SLC25A30: variants seen among roughly 807,000 people sequenced by gnomAD.
The protein encoded by SLC25A30 is kidney mitochondrial carrier protein 1.
Under a neutral mutation model 42.7 loss-of-function variants are expected in SLC25A30, and 29 were observed. That is an observed-to-expected ratio of 0.68 (90% confidence interval 0.51 to 0.93). The LOEUF (loss-of-function observed/expected upper bound fraction) is 0.93. Among genes scored for constraint, SLC25A30 ranks in the 40% least tolerant of loss-of-function variants. The probability of loss-of-function intolerance (pLI) is 0.00; values close to 1 mark genes in which losing one functional copy is unlikely to be tolerated. For synonymous variants in SLC25A30, 124 were observed against 131.0 expected, an observed-to-expected ratio of 0.95 and a Z score of 0.37; for missense variants, 300 against 359.7, an observed-to-expected ratio of 0.83 and a Z score of 1.34.
chr13:45,403,049 TA>T (rs977131917), intron 5 of SLC25A30, among the ~76,000 whole-genome samples: 1 of 152,222 alleles, frequency 6.6e-6, no homozygotes, highest in African/African-American at 2.4e-5. Flanking sequence ...CACTAACTTC[TA>T]AAAGAACTGT....
the SLC25A30 span, among the ~76,000 whole-genome samples, chr13:45,423,696 AT>A: frequency 3.0e-3 from 5 of 1,658 alleles, no homozygotes; most frequent in Admixed American, 0.01. Context: ...ATATATATAA[AT>A]ATATAAATAT....
intron 5 of SLC25A30, 36 bp downstream of exon 5, chr13:45,404,291 G>A (rs1346522279): frequency 3.6e-6 from 5 of 1,384,008 alleles, no homozygotes; most frequent in South Asian, 3.5e-5. Flanking sequence ...AAGAAAATGT[G>A]GAATGTGCCT....
At chr13:45,402,185 A>C in intron 6 of SLC25A30, 90 bp downstream of exon 6, 1 of 972,060 alleles carries the variant, frequency 1.0e-6, no homozygotes, top group East Asian at 2.4e-5. Context: ...CCATTACGAC[A>C]CTTGGATTAA....
chr13:45,408,783 T>G (rs1196916430), intron 3 of SLC25A30, 144 bp downstream of exon 3: 9 of 626,856 alleles, frequency 1.4e-5, no homozygotes, highest in Middle Eastern at 4.2e-4. Flanking sequence ...GAGTTGAAAT[T>G]AAAAGTGAAA....
chr13:45,401,542 T>A (rs981367228), intron 6 of SLC25A30, among the ~76,000 whole-genome samples: 6 of 151,964 alleles, frequency 3.9e-5, no homozygotes, highest in Admixed American at 3.9e-4. Flanking sequence ...GTCATTAGAA[T>A]ACTAGGAAAT....
chr13:45,398,843 A>G, intron 8 of SLC25A30, 97 bp downstream of exon 8: 1 of 1,358,948 alleles, frequency 7.4e-7, no homozygotes, highest in Non-Finnish European at 1.0e-6. Context: ...TTAAAGCATC[A>G]TTCATCTTAG....
At chr13:45,423,240 T>C (rs1440536824), upstream of SLC25A30, among the ~76,000 whole-genome samples, 1 of 151,884 alleles carries the variant, frequency 6.6e-6, no homozygotes, top group Non-Finnish European at 1.5e-5. Context: ...CCCATTGATA[T>C]TACCACAGTT....
chr13:45,393,440 T>C lies in SLC25A30; in HGVS notation c.*2534A>G. ...GCTTATGAAAACTTCATACTCTTTA[T>C]ATAATGCATACTATTTCTAGCACAT... On this transcript the variant is annotated 3_prime_UTR_variant, in exon 10 of 10. Coordinates refer to ENST00000519676, the MANE Select transcript of SLC25A30 (RefSeq NM_001010875.4). 1.0e-6 allele frequency: 1 copy of C among 983,642 alleles called. No individual in the cohort carries two copies. The highest frequency in any genetic ancestry group is 1.2e-6 in the Non-Finnish European group (1 of 828,280). 60.9% of individuals were successfully genotyped at this position (983,642 alleles called of 1,614,324 possible).
intron 1 of SLC25A30, among the ~76,000 whole-genome samples, chr13:45,412,487 A>C (rs1449298857): frequency 1.3e-5 from 2 of 152,092 alleles, no homozygotes; most frequent in Non-Finnish European, 2.9e-5. Flanking sequence ...TGGCATGAGG[A>C]AAGAGGCTGA....
At chr13:45,396,623 T>A in intron 9 of SLC25A30, 1 of 155,400 alleles carries the variant, frequency 6.4e-6, no homozygotes, top group Non-Finnish European at 1.4e-5. Flanking sequence ...AACACAAAAA[T>A]TAGCCAGGCG....
At chr13:45,418,949 A>C (rs866987276), upstream of SLC25A30, among the ~76,000 whole-genome samples, 2,203 of 54,648 alleles carry the variant, frequency 0.04, 4 homozygotes, top group Non-Finnish European at 0.062. Flanking sequence ...TCAAAAAAAA[A>C]AAAAAAAAAA....
chr13:45,407,581 A>T (rs1461823024), intron 3 of SLC25A30, among the ~76,000 whole-genome samples: 1 of 152,144 alleles, frequency 6.6e-6, no homozygotes, highest in Non-Finnish European at 1.5e-5. Context: ...TGAAAAATAA[A>T]ATAAAAGACT....
chr13:45,425,786 G>T, the SLC25A30 span, among the ~76,000 whole-genome samples: 1 of 145,444 alleles, frequency 6.9e-6, no homozygotes, highest in Non-Finnish European at 1.5e-5. Flanking sequence ...TCCACCTCCT[G>T]AATTCAAGCA....
At chr13:45,413,509 C>T (rs1883199637) in intron 1 of SLC25A30, among the ~76,000 whole-genome samples, 1 of 151,866 alleles carries the variant, frequency 6.6e-6, no homozygotes, top group Non-Finnish European at 1.5e-5. Flanking sequence ...ATGGCTTGAG[C>T]CTAGGAGTTC....
At chr13:45,432,964 G>A in the SLC25A30 span, among the ~76,000 whole-genome samples, 1 of 150,346 alleles carries the variant, frequency 6.7e-6, no homozygotes, top group African/African-American at 2.5e-5. Flanking sequence ...CTGAACCCGG[G>A]AAGGTTGAGG....
rs950037581 is a variant in SLC25A30 at position 45,397,320 on chromosome 13, A to G, written c.772T>C (p.Phe258Leu). ...CAAAAGCCTTTATAGAGAGCAAAAA[A>G]CCCTTCATTCTTCCATGTCTGTTAA... is the stretch of plus-strand genomic sequence containing the variant. ...CLLQTWKNEG[F>L]FALYKGFWPN... Residue 258 changes from phenylalanine (F) to leucine (L), a missense_variant, in exon 9 of 10, where the codon TTT (phenylalanine) becomes CTT (leucine). By Grantham distance (22) the Phe-to-Leu change is conservative. Transcript: ENST00000519676. 17 of 1,611,266 alleles carry G rather than the reference A, an allele frequency of 1.1e-5. No individual in the cohort carries two copies. The highest frequency in any genetic ancestry group is 1.3e-5 in the Non-Finnish European group (15 of 1,178,150).
the SLC25A30 span, among the ~76,000 whole-genome samples, chr13:45,425,576 A>ACG: frequency 1.4e-4 from 11 of 79,384 alleles, 2 homozygotes; most frequent in African/African-American, 6.1e-4. Flanking sequence ...ATATATAAGT[A>ACG]TATATATAAA....
chr13:45,412,673 G>A (rs1476904921), intron 1 of SLC25A30, among the ~76,000 whole-genome samples: 7 of 152,142 alleles, frequency 4.6e-5, no homozygotes. Context: ...CCTATTGTGG[G>A]CATTAAGCCA....
intron 7 of SLC25A30, among the ~76,000 whole-genome samples, chr13:45,400,370 C>T (rs926451876): frequency 5.9e-5 from 9 of 151,448 alleles, no homozygotes; most frequent in East Asian, 1.9e-4. Flanking sequence ...TGCAGTGAGC[C>T]GAGATCACAC....
Sources: allele counts gnomAD v4.1 joint callset (sites outside exome capture counted in the v4.1 genomes callset), GRCh38; gene constraint gnomAD v4.1.1; transcripts MANE v1.5; gene names NCBI Gene and HGNC (gene_info 2026-07-23, HGNC 2026-07-21).